The following PELI2 variants were observed in gnomAD, a reference collection of about 807,000 sequenced individuals.
The protein encoded by PELI2 is pellino E3 ubiquitin protein ligase family member 2.
PELI2 carries 23 observed loss-of-function variants against 42.3 expected under a neutral mutation model. The ratio of observed to expected loss-of-function variants is 0.54; its 90% CI spans 0.39 to 0.77. The LOEUF (loss-of-function observed/expected upper bound fraction) is 0.77. PELI2 is among the 30% of genes least tolerant of loss of function. PELI2 has a pLI of 0.00. For synonymous variants in PELI2, 245 were observed against 212.2 expected (o/e 1.15, Z -1.34); for missense variants, 463 against 553.2 (o/e 0.84, Z 1.64).
chr14:56,274,484 A>G (rs1483597850), intron 2 of PELI2, among the ~76,000 whole-genome samples: 1 of 152,238 alleles, frequency 6.6e-6, no homozygotes, highest in African/African-American at 2.4e-5. Context: ...TGCCATTAAG[A>G]CATGTTACCC....
intron 2 of PELI2, among the ~76,000 whole-genome samples, chr14:56,269,276 A>G (rs1889016439): frequency 1.3e-5 from 2 of 151,976 alleles, no homozygotes. Flanking sequence ...ACCCATCTCT[A>G]CAAAAAAATA....
At chr14:56,206,269 A>G (rs548505036) in intron 2 of PELI2, among the ~76,000 whole-genome samples, 3 of 152,352 alleles carry the variant, frequency 2.0e-5, no homozygotes, top group African/African-American at 7.2e-5. Flanking sequence ...ATTAATCAGA[A>G]AAACACAAAA....
At chr14:56,120,011 C>T (rs977657323) in intron 1 of PELI2, 11 of 186,064 alleles carry the variant, frequency 5.9e-5, no homozygotes, top group African/African-American at 2.1e-4. Context: ...TTCCAGACAC[C>T]GCACAACTCA....
At chr14:56,137,607 A>G (rs911607228) in intron 1 of PELI2, among the ~76,000 whole-genome samples, 1 of 152,212 alleles carries the variant, frequency 6.6e-6, no homozygotes, top group Non-Finnish European at 1.5e-5. Flanking sequence ...CTTCTAGGGG[A>G]AATTGCTTCA....
rs187434333 is a variant in PELI2, at chr14:56,279,797, A to T, written c.309+20A>T. The T allele has an allele frequency of 4.4e-6, 6 of 1,348,498 alleles. No homozygotes were observed. The highest frequency in any genetic ancestry group is 4.4e-5 in the African/African-American group (3 of 68,610). The allele number at this position is 1,348,498 out of a possible 1,614,324, so 83.5% of individuals were successfully genotyped here. A position where few individuals can be genotyped will look rare whatever the true frequency, so the allele number is the denominator to read the frequency against. Reference sequence around the variant, plus strand: ...TTTCAGGTAATATTTTTCTTTTTTAATAGAAATTTTAGCACGTTTTCCTTT... The same window carrying T: ...TTTCAGGTAATATTTTTCTTTTTTATTAGAAATTTTAGCACGTTTTCCTTT... On this transcript the variant is annotated intron_variant, in intron 3 of 5. Coordinates refer to ENST00000267460, the MANE Select transcript of PELI2 (RefSeq NM_021255.3).
At chr14:56,283,869 A>G (rs747607165) in intron 3 of PELI2, among the ~76,000 whole-genome samples, 1 of 152,206 alleles carries the variant, frequency 6.6e-6, no homozygotes, top group Non-Finnish European at 1.5e-5. Flanking sequence ...TAAGCAGAGA[A>G]CTAAGCAACT....
In PELI2 at chr14:56,219,476, C is replaced by T. The variant is rs551873469; in HGVS notation, c.207+41012C>T. Among the ~76,000 whole-genome samples the T allele has an allele frequency of 1.0e-3, 156 of 152,242 alleles. No individual in the cohort carries two copies. Among genetic ancestry groups the T allele is most frequent in the Middle Eastern group, 6.8e-3 (2 of 294 alleles). ...GTAACTACAGCATGATTTGTTTTAC[C>T]CCTCAGCACTCAGCTATCACAGTCA... On this transcript the variant is annotated intron_variant, in intron 2 of 5. Transcript: ENST00000267460. This position sits in a 1 kb window ranked among gnomAD's most constrained non-coding sequence, Gnocchi z 4.1.
intron 2 of PELI2, among the ~76,000 whole-genome samples, chr14:56,264,371 A>G (rs993597065): frequency 6.6e-6 from 1 of 152,172 alleles, no homozygotes; most frequent in African/African-American, 2.4e-5. Context: ...TGTTCAGTTA[A>G]TGTGCTCTTG....
intron 2 of PELI2, among the ~76,000 whole-genome samples, chr14:56,211,729 T>C (rs988591480): frequency 1.3e-5 from 2 of 152,230 alleles, no homozygotes; most frequent in Admixed American, 6.5e-5. Flanking sequence ...TGTATTGTTA[T>C]TTACAGCTGA....
intron 2 of PELI2, among the ~76,000 whole-genome samples, chr14:56,275,626 T>G (rs966753422): frequency 1.3e-5 from 2 of 152,122 alleles, no homozygotes; most frequent in Non-Finnish European, 2.9e-5. Flanking sequence ...CCGCTGCTGA[T>G]CTGACAGGAG....
intron 1 of PELI2, among the ~76,000 whole-genome samples, chr14:56,168,976 G>A (rs558635515): frequency 3.3e-5 from 5 of 152,220 alleles, no homozygotes; most frequent in Non-Finnish European, 7.4e-5. Flanking sequence ...TCATCTGGGA[G>A]TTAGGGCCTG....
rs541635573 is a variant in PELI2 at position 56,257,352 on chromosome 14, GAAAAT to G, written c.208-22313_208-22309del. Among the ~76,000 whole-genome samples, 961 of 152,222 alleles carry G rather than the reference GAAAAT, an allele frequency of 6.3e-3. 5 individuals are homozygous for G. The highest frequency in any genetic ancestry group is 0.011 in the Non-Finnish European group (770 of 67,992). On this transcript the variant is annotated intron_variant, in intron 2 of 5. Coordinates refer to ENST00000267460, the MANE Select transcript of PELI2 (RefSeq NM_021255.3). ...ACTAGTTTCTTGTAAATGCTCTGAA[GAAAAT>G]AAAATAAAATTAGAGACAACTGGAT... is the stretch of plus-strand genomic sequence containing the variant.
At chr14:56,228,383 A>G (rs537414288) in intron 2 of PELI2, among the ~76,000 whole-genome samples, 47 of 152,324 alleles carry the variant, frequency 3.1e-4, no homozygotes, top group Non-Finnish European at 5.6e-4. Flanking sequence ...AAAACCCTGG[A>G]GAATTAGACT....
intron 3 of PELI2, among the ~76,000 whole-genome samples, chr14:56,285,306 G>T (rs529127117): frequency 1.2e-4 from 19 of 152,254 alleles, no homozygotes; most frequent in Admixed American, 1.0e-3. Flanking sequence ...GAAGAATCAG[G>T]TTATTCTTGG....
In PELI2 at chr14:56,118,649, G is replaced by T; in HGVS notation, c.-12G>T. ...GGCGTCGGCGGCGGCGTCGGCGGCC[G>T]AGCGGGGCTCCATGTTTTCCCCTGG... is the stretch of plus-strand genomic sequence containing the variant. On this transcript the variant is annotated 5_prime_UTR_variant, in exon 1 of 6. Coordinates refer to ENST00000267460, the MANE Select transcript of PELI2 (RefSeq NM_021255.3). The T allele has an allele frequency of 7.1e-7, 1 of 1,406,510 alleles. No individual in the cohort carries two copies. The highest frequency in any genetic ancestry group is 9.3e-7 in the Non-Finnish European group (1 of 1,073,134). The allele number at this position is 1,406,510 out of a possible 1,614,324, so 87.1% of individuals were successfully genotyped here.
intron 1 of PELI2, among the ~76,000 whole-genome samples, chr14:56,133,956 G>T (rs1473813855): frequency 1.3e-5 from 2 of 152,170 alleles, no homozygotes. Context: ...GCTGTACCCT[G>T]CTGTAGTTTT....
At chr14:56,144,690 G>A (rs1486404634) in intron 1 of PELI2, among the ~76,000 whole-genome samples, 2 of 152,156 alleles carry the variant, frequency 1.3e-5, no homozygotes, top group Admixed American at 6.5e-5. Flanking sequence ...TTGTAAAGAT[G>A]ATGTATAAAA....
At chr14:56,123,253 G>A (rs577812988) in intron 1 of PELI2, among the ~76,000 whole-genome samples, 1 of 151,078 alleles carries the variant, frequency 6.6e-6, no homozygotes, top group Admixed American at 6.6e-5. Context: ...ACTTTGCCTT[G>A]ACTACTCCAC....
intron 2 of PELI2, among the ~76,000 whole-genome samples, chr14:56,270,687 GC>G (rs1889072660): frequency 1.3e-5 from 2 of 152,338 alleles, no homozygotes; most frequent in Admixed American, 1.3e-4. Context: ...GGGAGAAAGT[GC>G]CATGTTTTAT....
Sources: allele counts gnomAD v4.1 joint callset (sites outside exome capture counted in the v4.1 genomes callset), GRCh38; gene constraint gnomAD v4.1.1; non-coding constraint Gnocchi (gnomAD v3.1); transcripts MANE v1.5; gene names NCBI Gene and HGNC (gene_info 2026-07-23, HGNC 2026-07-21).